Variants in IGSF9 observed in about 807,000 individuals in gnomAD.
IGSF9 encodes immunoglobulin superfamily member 9.
Under a neutral mutation model 121.7 loss-of-function variants are expected in IGSF9, and 87 were observed. The observed-to-expected ratio is 0.71, with a 90% CI of 0.60 to 0.85. The LOEUF (loss-of-function observed/expected upper bound fraction) is 0.85, where lower values mean the gene tolerates loss of function less well. IGSF9 is among the 40% of genes least tolerant of loss of function. IGSF9 has a pLI of 0.00. For synonymous variants in IGSF9, 640 were observed against 648.4 expected, an observed-to-expected ratio of 0.99 and a Z score of 0.20; for missense variants, 1,462 against 1,565.3, an observed-to-expected ratio of 0.93 and a Z score of 1.11.
chr1:159,929,225 CCT>C, intron 18 of IGSF9, 124 bp downstream of exon 18: 1 of 1,365,900 alleles, frequency 7.3e-7, no homozygotes, highest in East Asian at 2.3e-5. Flanking sequence ...CCCTTCTTAC[CCT>C]CTCCCACTTT....
Position 159,930,788 on chromosome 1 carries a change from C to G in IGSF9, c.1717G>C (p.Gly573Arg), listed in dbSNP as rs1455067409. 1.9e-6 allele frequency: 3 copies of G among 1,614,124 alleles called. No homozygotes were observed. The highest frequency in any genetic ancestry group is 2.2e-5 in the South Asian group (2 of 91,078). Residue 573 changes from glycine (G) to arginine (R), a missense_variant, in exon 14 of 21, where the codon GGG (glycine) becomes CGG (arginine). Gly to Arg is a moderately radical substitution (Grantham distance 125, BLOSUM62 -2). Transcript: ENST00000368094. ...TGGTACTGGGTGTGGGGCTGCAGCC[C>G]TGGCACTAGGAGGTGAGCAGCCCCC... ...PVGAAHLLVPGLQPHTQYQFS... is the reference protein window; with the variant it reads ...PVGAAHLLVPRLQPHTQYQFS...
intron 1 of IGSF9, among the ~76,000 whole-genome samples, chr1:159,945,095 T>C (rs949337159): frequency 6.6e-6 from 1 of 151,894 alleles, no homozygotes; most frequent in Non-Finnish European, 1.5e-5. Context: ...TTCCCAGTTA[T>C]CGCTACTACG....
chr1:159,927,640 C>T, intron 20 of IGSF9, 114 bp from the exon 21 acceptor site: 1 of 1,532,562 alleles, frequency 6.5e-7, no homozygotes, highest in East Asian at 2.3e-5. Context: ...GGGCAAGGCA[C>T]AGTCTAGAGC....
Position 159,927,466 on chromosome 1 carries a change from G to A in IGSF9, c.3419C>T (p.Ala1140Val), listed in dbSNP as rs368508741. 3.7e-5 allele frequency: 59 copies of A among 1,614,030 alleles called. No individual in the cohort carries two copies. The highest frequency in any genetic ancestry group is 4.9e-5 in the Non-Finnish European group (58 of 1,180,042). The change falls in exon 21 of 21, where the codon GCC (alanine) becomes GTC (valine). Residue 1140 changes from alanine to valine, a missense_variant. This residue lies in a region of IGSF9 where 808 missense variants were observed against 815.2 expected (regional missense o/e 0.99). Transcript: ENST00000368094. Reference sequence around the variant, plus strand: ...TTCCTCCCGAAGGGCAGCACAGCGGGCCTCAGGGCCAGTAACATGGGCAGT... The same window carrying A: ...TTCCTCCCGAAGGGCAGCACAGCGGACCTCAGGGCCAGTAACATGGGCAGT... ...LNTAHVTGPEARCAALREEFL... is the reference protein window; with the variant it reads ...LNTAHVTGPEVRCAALREEFL...
In IGSF9 at chr1:159,932,515, G is replaced by A. The variant is rs750090447; in HGVS notation, c.1242C>T (p.Leu414=). The change falls in exon 10 of 21, where the codon CTC becomes CTT. Residue 414 remains leucine (L), a synonymous_variant. Transcript: ENST00000368094. The surrounding 1 kb of genome is among the most constrained non-coding windows in gnomAD (Gnocchi z 4.1). ...AGPSPVTRVL[L]KAPPAFIERP... is the part of the protein sequence containing the mutation. ...CCCCGCCCACCCCCGGCCTAACCTT[G>A]AGCAGCACGCGGGTCACAGGAGAGG... The A allele has an allele frequency of 2.5e-6, 4 of 1,612,490 alleles. No individual in the cohort carries two copies. The South Asian group carries it at 4.4e-5, about 18-fold the overall frequency.
rs374054900 is a variant in IGSF9 at position 159,930,706 on chromosome 1, A to C, written c.1799T>G (p.Leu600Trp). Reference protein sequence around the residue: ...LGSGPFSEIVLSAPEGLPTTP... With the variant: ...LGSGPFSEIVWSAPEGLPTTP... ...AAGCTTCTCACCTTCCGGAGCAGAC[A>C]AGACGATTTCGCTGAAGGGACCACT... Residue 600 changes from leucine to tryptophan, a missense_variant, in exon 14 of 21, where the codon TTG becomes TGG. Leu to Trp is a moderately conservative substitution (Grantham distance 61). Transcript: ENST00000368094. 24 of 1,614,064 alleles carry C rather than the reference A, an allele frequency of 1.5e-5. No individual in the cohort carries two copies. The African/African-American group carries it at 2.9e-4, about 20-fold the overall frequency.
intron 18 of IGSF9, 97 bp from the exon 19 acceptor site, chr1:159,929,115 G>A: frequency 6.9e-7 from 1 of 1,447,846 alleles, no homozygotes; most frequent in Middle Eastern, 1.9e-4. Context: ...CAACAGAGCA[G>A]AGCTAGGAAG....
rs1469802777 is a variant in IGSF9 at position 159,931,472 on chromosome 1, G to T, written c.1494C>A (p.Ser498=). The T allele has an allele frequency of 6.2e-7, 1 of 1,613,844 alleles. No individual in the cohort carries two copies. The highest frequency in any genetic ancestry group is 1.3e-5 in the African/African-American group (1 of 74,924). The change falls in exon 12 of 21, where the codon TCC becomes TCA. Residue 498 remains serine, a synonymous_variant. Coordinates refer to ENST00000368094, the MANE Select transcript of IGSF9 (RefSeq NM_001135050.2). The surrounding 1 kb of genome is among the most constrained non-coding windows in gnomAD (Gnocchi z 4.8). ...ACTAACCCAGCACGTAGACGTTCGT[G>T]GAGGTGGCCACTCGGGCCACAGCAT... ...ASNAVARVAT[S]TNVYVLGTSP...
At chr1:159,929,060 T>TC in intron 18 of IGSF9, 42 bp from the exon 19 acceptor site, 1 of 1,501,946 alleles carries the variant, frequency 6.7e-7, no homozygotes, top group African/African-American at 1.4e-5. Flanking sequence ...TAGGGGCAGG[T>TC]CCCCCTCCCA....
At position 159,930,847 on chromosome 1, in the gene IGSF9, A is replaced by G; in HGVS notation, c.1658T>C (p.Met553Thr). 6.2e-7 allele frequency: 1 copy of G among 1,610,772 alleles called. No homozygotes were observed. The highest frequency in any genetic ancestry group is 8.5e-7 in the Non-Finnish European group (1 of 1,178,432). The change falls in exon 14 of 21, where the codon ATG (methionine) becomes ACG (threonine). Residue 553 changes from methionine to threonine, a missense_variant. Met to Thr is a moderately conservative substitution (Grantham distance 81). Transcript: ENST00000368094. ...TGCCAAGGACACCCAGTCATGGTGC[A>G]TTCGGTCAGGACGCTTGGCCCTGGG... ...YTPLAKRPDR[M>T]HHDWVSLAVP...
rs573800058 is a variant in IGSF9 at position 159,929,762 on chromosome 1, G to A, written c.2202C>T (p.Pro734=). 2.5e-6 allele frequency: 4 copies of A among 1,606,162 alleles called. No individual in the cohort carries two copies. Among genetic ancestry groups the A allele is most frequent in the African/African-American group, 1.3e-5 (1 of 74,940 alleles). ...CTCCGCCCACCACGCCGGCCAGCAC[G>A]GGCTGAGGCAGGAGGCCCGGCAGCT... The part of the protein sequence containing the change: ...RTQLPGLLPQ[P]VLAGVVGGVC... Residue 734 remains proline, a synonymous_variant, in exon 17 of 21, where the codon CCC becomes CCT. Coordinates refer to ENST00000368094, the MANE Select transcript of IGSF9 (RefSeq NM_001135050.2).
chr1:159,929,538 C>G, intron 17 of IGSF9, 100 bp downstream of exon 17: 2 of 1,490,576 alleles, frequency 1.3e-6, no homozygotes, highest in South Asian at 1.3e-5. Context: ...GAGAATGCAC[C>G]TGGATCACAC....
chr1:159,932,220 C>G lies in IGSF9; in HGVS notation c.1245+292G>C. 1.0e-5 allele frequency: 6 copies of G among 572,780 alleles called. No homozygotes were observed. In the South Asian group the frequency reaches 1.3e-4, roughly 12 times the overall value. The allele number at this position is 572,780 out of a possible 1,614,324, so 35.5% of individuals were successfully genotyped here. The stretch of plus-strand genomic sequence containing the variant: ...TACAAACCTCTGCAGAACATTCTTC[C>G]TCCCAGAGCCCCAGAGAGGGAGGCA... On this transcript the variant is annotated intron_variant, in intron 10 of 20. Coordinates refer to ENST00000368094, the MANE Select transcript of IGSF9 (RefSeq NM_001135050.2). This position sits in a 1 kb window ranked among gnomAD's most constrained non-coding sequence, Gnocchi z 4.1.
At position 159,930,359 on chromosome 1, in the gene IGSF9, C is replaced by T. The variant is rs1395497693; in HGVS notation, c.1894G>A (p.Ala632Thr). 1.9e-6 allele frequency: 3 copies of T among 1,602,060 alleles called. No homozygotes were observed. In the Admixed American group the frequency reaches 5.1e-5, roughly 27 times the overall value. Residue 632 changes from alanine to threonine, a missense_variant, in exon 15 of 21, where the codon GCA (alanine) becomes ACA (threonine). This residue lies in a region of IGSF9 where 808 missense variants were observed against 815.2 expected (regional missense o/e 0.99). Coordinates refer to ENST00000368094, the MANE Select transcript of IGSF9 (RefSeq NM_001135050.2). ...AGTACCCCCCGGGGTGTCCTCACTG[C>T]CACCAGACCCCGCGGAGGGGACAGG... Reference protein sequence around the residue: ...PPLSPPRGLVAVRTPRGVLLH... With the variant: ...PPLSPPRGLVTVRTPRGVLLH...
intron 3 of IGSF9, among the ~76,000 whole-genome samples, chr1:159,939,491 G>A (rs1454004794): frequency 1.3e-5 from 2 of 152,258 alleles, no homozygotes; most frequent in South Asian, 2.1e-4. Flanking sequence ...CTCCCAAAGC[G>A]CTGGGATTAA....
Position 159,927,321 on chromosome 1 carries a change from T to C in IGSF9, c.*24A>G, listed in dbSNP as rs756054429. 2 of 1,612,638 alleles carry C rather than the reference T, an allele frequency of 1.2e-6. No homozygotes were observed. Among genetic ancestry groups the C allele is most frequent in the South Asian group, 2.2e-5 (2 of 91,026 alleles). On this transcript the variant is annotated 3_prime_UTR_variant, in exon 21 of 21. Coordinates refer to ENST00000368094, the MANE Select transcript of IGSF9 (RefSeq NM_001135050.2). ...CCTCCTTTGCAGGTCCATATGCCTT[T>C]TCACAGCCTCACATCAGGGATGTTC...
intron 3 of IGSF9, among the ~76,000 whole-genome samples, chr1:159,942,761 TG>T: frequency 6.6e-6 from 1 of 151,972 alleles, no homozygotes; most frequent in Non-Finnish European, 1.5e-5. Flanking sequence ...TGTGTGTGTG[TG>T]TGTGTGTAAA....
Position 159,931,711 on chromosome 1 carries a change from C to G in IGSF9, c.1362+101G>C. 1 of 1,496,748 alleles carries G rather than the reference C, an allele frequency of 6.7e-7. No individual in the cohort carries two copies. Among genetic ancestry groups the G allele is most frequent in the Non-Finnish European group, 9.1e-7 (1 of 1,097,844 alleles). 92.7% of individuals were successfully genotyped at this position (1,496,748 alleles called of 1,614,324 possible). Reference sequence around the variant, plus strand: ...TTCCTCCCCACCCTGCCTCTGACAGCCTTCTCCTTCCCACACCCTCCCTCC... The same window carrying G: ...TTCCTCCCCACCCTGCCTCTGACAGGCTTCTCCTTCCCACACCCTCCCTCC... On this transcript the variant is annotated intron_variant, in intron 11 of 20. Transcript: ENST00000368094. The surrounding 1 kb of genome is among the most constrained non-coding windows in gnomAD (Gnocchi z 4.8).
In IGSF9 at chr1:159,934,534, C is replaced by CCACCAGGAT; in HGVS notation, c.851_852insATCCTGGTG (p.Ser285_Leu286insTrpTrpSer). On this transcript the variant is annotated inframe_insertion, in exon 8 of 21. Coordinates refer to ENST00000368094, the MANE Select transcript of IGSF9 (RefSeq NM_001135050.2). ...GCTGGGTGGCCAGCAGCCGCAGGCT[C>CCACCAGGAT]CCGTCCACCAGGATCCGCACCCGGG... 6.2e-7 allele frequency: 1 copy of CCACCAGGAT among 1,613,838 alleles called. No homozygotes were observed. Among genetic ancestry groups the CCACCAGGAT allele is most frequent in the Non-Finnish European group, 8.5e-7 (1 of 1,179,878 alleles).
Sources: allele counts gnomAD v4.1 joint callset (sites outside exome capture counted in the v4.1 genomes callset), GRCh38; gene constraint gnomAD v4.1.1; regional missense constraint gnomAD v4.1.1; non-coding constraint Gnocchi (gnomAD v3.1); transcripts MANE v1.5; gene names NCBI Gene and HGNC (gene_info 2026-07-23, HGNC 2026-07-21).